Variants in DRAM1 observed in about 807,000 individuals in gnomAD.
The protein encoded by DRAM1 is DNA damage-regulated autophagy modulator protein 1.
A neutral mutation model predicts 28.5 loss-of-function variants in DRAM1; 25 were observed. That is an observed-to-expected ratio of 0.88 (90% confidence interval 0.64 to 1.23). The LOEUF is 1.23. Among genes scored for constraint, DRAM1 ranks in the 50% most tolerant of loss-of-function variants. DRAM1 has a pLI of 0.00. For synonymous variants in DRAM1, 113 were observed against 114.2 expected (o/e 0.99, Z 0.07); for missense variants, 249 against 299.2 (o/e 0.83, Z 1.24).
chr12:101,915,950 G>A (rs1874227471), intron 5 of DRAM1, among the ~76,000 whole-genome samples: 2 of 152,190 alleles, frequency 1.3e-5, no homozygotes, highest in Admixed American at 1.3e-4. Context: ...GGAGAGCTTG[G>A]CATTAGGAGG....
At position 101,910,855 on chromosome 12, in the gene DRAM1, T is replaced by C. The variant is rs139829673; in HGVS notation, c.520+2492T>C. 3.8e-3 allele frequency among the ~76,000 whole-genome samples: 585 copies of C among 152,286 alleles called. 4 individuals carry two copies. The highest frequency in any genetic ancestry group is 0.014 in the African/African-American group (567 of 41,564). On this transcript the variant is annotated intron_variant, in intron 4 of 6. Coordinates refer to ENST00000258534, the MANE Select transcript of DRAM1 (RefSeq NM_018370.3). ...AAAGGGGTTATAACCCTATGTCAGA[T>C]TAACTTGAATGAATTCATCCACACG...
intron 1 of DRAM1, among the ~76,000 whole-genome samples, chr12:101,882,821 T>A (rs536978034): frequency 6.8e-6 from 1 of 146,830 alleles, no homozygotes; most frequent in Admixed American, 6.9e-5. Flanking sequence ...CCCCCCATCA[T>A]TTGATGCAAC....
Position 101,923,097 on chromosome 12 carries a change from T to C in DRAM1, c.*1837T>C, listed in dbSNP as rs1030888959. On this transcript the variant is annotated 3_prime_UTR_variant, in exon 7 of 7. Coordinates refer to ENST00000258534, the MANE Select transcript of DRAM1 (RefSeq NM_018370.3). ...ACAGAGTGAGACCCTGTCTCAAAAA[T>C]AAATAAATAAATAAATGAATAAAGA... 1.3e-5 allele frequency: 2 copies of C among 151,960 alleles called. No individual in the cohort carries two copies. The highest frequency in any genetic ancestry group is 2.9e-5 in the Non-Finnish European group (2 of 68,004). 9.4% of individuals were successfully genotyped at this position (151,960 alleles called of 1,614,324 possible).
At chr12:101,884,178 G>A (rs1029916903) in intron 1 of DRAM1, among the ~76,000 whole-genome samples, 1 of 151,750 alleles carries the variant, frequency 6.6e-6, no homozygotes, top group Non-Finnish European at 1.5e-5. Context: ...CTTGAGTCCG[G>A]GTGTTTGAGA....
chr12:101,895,184 A>G (rs1220285645), intron 1 of DRAM1, among the ~76,000 whole-genome samples: 3 of 97,798 alleles, frequency 3.1e-5, no homozygotes, highest in African/African-American at 4.8e-5. Flanking sequence ...GAAACCCTTC[A>G]GGTTTTTTTT....
intron 1 of DRAM1, among the ~76,000 whole-genome samples, chr12:101,878,323 C>A (rs1227231841): frequency 6.6e-6 from 1 of 152,234 alleles, no homozygotes; most frequent in African/African-American, 2.4e-5. Context: ...TGCATCCCAA[C>A]ATCCCTTGAA....
chr12:101,894,364 G>A (rs779237727), intron 1 of DRAM1, among the ~76,000 whole-genome samples: 8 of 152,004 alleles, frequency 5.3e-5, no homozygotes, highest in African/African-American at 1.2e-4. Context: ...TGATCCACCC[G>A]TCTCAGCCTC....
At chr12:101,900,734 A>T (rs1367282273) in intron 2 of DRAM1, among the ~76,000 whole-genome samples, 1 of 152,192 alleles carries the variant, frequency 6.6e-6, no homozygotes, top group Non-Finnish European at 1.5e-5. Context: ...GGGCTGGAGC[A>T]ATTTGGAGGT....
In DRAM1 at chr12:101,922,779, C is replaced by G. The variant is rs1172894208; in HGVS notation, c.*1519C>G. The G allele has an allele frequency of 6.6e-6, 1 of 152,198 alleles. No individual in the cohort carries two copies. 9.4% of individuals were successfully genotyped at this position (152,198 alleles called of 1,614,324 possible). ...TCTTTAAGTGAATGGAAGAGTTTGA[C>G]AGAGATACACCTTTGTAAGAAAACA... On this transcript the variant is annotated 3_prime_UTR_variant, in exon 7 of 7. Coordinates refer to ENST00000258534, the MANE Select transcript of DRAM1 (RefSeq NM_018370.3).
intron 1 of DRAM1, among the ~76,000 whole-genome samples, chr12:101,878,513 G>T (rs1872577682): frequency 6.6e-6 from 1 of 152,214 alleles, no homozygotes; most frequent in Admixed American, 6.5e-5. Context: ...ATTCTCTGGA[G>T]CTGCACCAGA....
intron 4 of DRAM1, among the ~76,000 whole-genome samples, chr12:101,910,351 A>G (rs1415950649): frequency 6.6e-6 from 1 of 152,180 alleles, no homozygotes; most frequent in Non-Finnish European, 1.5e-5. Context: ...AAGTTTCTTG[A>G]TGCAGGAAAC....
At chr12:101,909,175 C>A (rs1007196677) in intron 4 of DRAM1, among the ~76,000 whole-genome samples, 37 of 151,492 alleles carry the variant, frequency 2.4e-4, no homozygotes, top group Admixed American at 4.6e-4. Flanking sequence ...GCAGGAGAAT[C>A]GCTTGAACCC....
intron 4 of DRAM1, among the ~76,000 whole-genome samples, chr12:101,913,429 G>A (rs1329634016): frequency 2.0e-5 from 3 of 152,046 alleles, no homozygotes; most frequent in Admixed American, 1.3e-4. Context: ...TTTTAGGCCG[G>A]GCACGGTGGC....
intron 1 of DRAM1, among the ~76,000 whole-genome samples, chr12:101,890,791 C>T (rs1412878691): frequency 6.8e-6 from 1 of 146,354 alleles, no homozygotes; most frequent in Non-Finnish European, 1.5e-5. Flanking sequence ...TGCTCTGTCA[C>T]CCAGGCTGGA....
At chr12:101,916,785 A>T (rs984669747) in intron 5 of DRAM1, among the ~76,000 whole-genome samples, 1 of 152,218 alleles carries the variant, frequency 6.6e-6, no homozygotes, top group Non-Finnish European at 1.5e-5. Flanking sequence ...TCCCTACCAC[A>T]TGCAAGACTG....
At chr12:101,915,579 G>A (rs112409439) in intron 5 of DRAM1, among the ~76,000 whole-genome samples, 6,878 of 149,088 alleles carry the variant, frequency 0.046, 544 homozygotes, top group African/African-American at 0.16. Context: ...TTTCGCCCTT[G>A]TTGCCTAGGC....
At chr12:101,897,529 T>G (rs1189923898) in intron 1 of DRAM1, among the ~76,000 whole-genome samples, 1 of 112,886 alleles carries the variant, frequency 8.9e-6, no homozygotes, top group Non-Finnish European at 1.9e-5. Flanking sequence ...CTTTTTTTTT[T>G]GTTTTTGTTT....
intron 1 of DRAM1, among the ~76,000 whole-genome samples, chr12:101,888,053 G>A (rs1049218946): frequency 2.6e-5 from 4 of 152,106 alleles, no homozygotes; most frequent in Admixed American, 1.3e-4. Context: ...TTATAACCTC[G>A]TAGTATTTCT....
chr12:101,899,290 CAG>C (rs1199483796), intron 2 of DRAM1, among the ~76,000 whole-genome samples: 1 of 152,174 alleles, frequency 6.6e-6, no homozygotes, highest in Non-Finnish European at 1.5e-5. Context: ...ACTTGGAAAA[CAG>C]AGAGATTATT....
Sources: allele counts gnomAD v4.1 joint callset (sites outside exome capture counted in the v4.1 genomes callset), GRCh38; gene constraint gnomAD v4.1.1; transcripts MANE v1.5; gene names NCBI Gene and HGNC (gene_info 2026-07-23, HGNC 2026-07-21).